The following CRYZ variants were observed in gnomAD, a reference collection of about 807,000 sequenced individuals.
The protein encoded by CRYZ is crystallin zeta.
Under a neutral mutation model 34.1 loss-of-function variants are expected in CRYZ, and 35 were observed. That is an observed-to-expected ratio of 1.03 (90% CI 0.78 to 1.36). CRYZ has a LOEUF of 1.36. CRYZ is among the 40% of genes most tolerant of loss of function. The pLI is 0.00. For synonymous variants in CRYZ, 137 were observed against 136.5 expected (o/e 1.00, Z -0.03); for missense variants, 403 against 391.8 (o/e 1.03, Z -0.24).
At chr1:74,714,717 C>T (rs74095154) in intron 4 of CRYZ, 87 bp from the exon 5 acceptor site, 105,378 of 1,357,400 alleles carry the variant, frequency 0.078, 4,378 homozygotes, top group South Asian at 0.11. Flanking sequence ...AATTTCTACC[C>T]CTAGTCTGGC....
chr1:74,728,903 A>G (rs1319145498), intron 1 of CRYZ, among the ~76,000 whole-genome samples: 4 of 152,140 alleles, frequency 2.6e-5, no homozygotes, highest in Non-Finnish European at 5.9e-5. Flanking sequence ...GCACTTTAGA[A>G]CAGCTTGGCA....
intron 5 of CRYZ, among the ~76,000 whole-genome samples, chr1:74,712,299 T>A (rs1371682409): frequency 6.6e-6 from 1 of 152,154 alleles, no homozygotes; most frequent in East Asian, 1.9e-4. Context: ...CTATCCCATG[T>A]ATTGAAGGAT....
chr1:74,720,326 A>G (rs908365843), intron 3 of CRYZ, among the ~76,000 whole-genome samples: 3 of 152,154 alleles, frequency 2.0e-5, no homozygotes, highest in African/African-American at 4.8e-5. Context: ...GACCCAGGAC[A>G]GCCTTCTTCT....
At position 74,714,596 on chromosome 1, in the gene CRYZ, G is replaced by A; in HGVS notation, c.463C>T (p.His155Tyr). Residue 155 changes from histidine to tyrosine, a missense_variant, in exon 5 of 9, where the codon CAT becomes TAT. Coordinates refer to ENST00000340866, the MANE Select transcript of CRYZ (RefSeq NM_001889.4). Reference protein sequence around the residue: ...CVKAGESVLVHGASGGVGLAA... With the variant: ...CVKAGESVLVYGASGGVGLAA... ...ATACTTACTCCTCCACTTGCCCCAT[G>A]AACCAGAACACTCTCTCCAGCTTTC... The A allele has an allele frequency of 1.2e-6, 2 of 1,613,640 alleles. No individual in the cohort carries two copies. The highest frequency in any genetic ancestry group is 1.3e-5 in the African/African-American group (1 of 74,970).
intron 2 of CRYZ, among the ~76,000 whole-genome samples, chr1:74,723,938 T>C (rs1647216759): frequency 6.6e-6 from 1 of 152,194 alleles, no homozygotes; most frequent in African/African-American, 2.4e-5. Context: ...AATGATTACC[T>C]CTGGTATAAA....
At chr1:74,722,474 G>A (rs1483158889) in intron 3 of CRYZ, among the ~76,000 whole-genome samples, 1 of 152,016 alleles carries the variant, frequency 6.6e-6, no homozygotes, top group Non-Finnish European at 1.5e-5. Flanking sequence ...CCTGTACAGG[G>A]GCACAGTAAT....
chr1:74,712,487 T>C (rs183496798), intron 5 of CRYZ, among the ~76,000 whole-genome samples: 225 of 152,178 alleles, frequency 1.5e-3, no homozygotes, highest in Non-Finnish European at 1.8e-3. Flanking sequence ...TGAAAAATAA[T>C]GATAGAAACA....
rs1647119293 is a variant in CRYZ at position 74,719,206 on chromosome 1, T to C, written c.428+3A>G. 2 of 1,613,258 alleles carry C rather than the reference T, an allele frequency of 1.2e-6. No individual in the cohort carries two copies. The highest frequency in any genetic ancestry group is 1.7e-6 in the Non-Finnish European group (2 of 1,179,288). On this transcript the variant is annotated splice_donor_region_variant and intron_variant, in intron 4 of 8. Transcript: ENST00000340866. Reference sequence around the variant, plus strand: ...CCATAAAATTGACAGAATGTGTTATTACCTGTGGATCAGAGCTCGATAAGC... The same window carrying C: ...CCATAAAATTGACAGAATGTGTTATCACCTGTGGATCAGAGCTCGATAAGC...
intron 4 of CRYZ, among the ~76,000 whole-genome samples, chr1:74,717,640 T>C (rs1016125774): frequency 1.3e-5 from 2 of 152,212 alleles, no homozygotes; most frequent in African/African-American, 4.8e-5. Context: ...TCATTATCTA[T>C]GTTTCTCAAA....
At chr1:74,708,274 A>G (rs1646956752) in intron 6 of CRYZ, 1 of 152,266 alleles carries the variant, frequency 6.6e-6, no homozygotes, top group Non-Finnish European at 1.5e-5. Flanking sequence ...GCCATATTAA[A>G]GGATTTGGAT....
At chr1:74,721,099 G>A (rs1015212288) in intron 3 of CRYZ, among the ~76,000 whole-genome samples, 5 of 152,110 alleles carry the variant, frequency 3.3e-5, no homozygotes, top group Admixed American at 2.6e-4. Context: ...TTGGCCAAAC[G>A]ATAGGGACAG....
Position 74,732,966 on chromosome 1 carries a change from A to G in CRYZ, c.-24T>C, listed in dbSNP as rs1647931127. On this transcript the variant is annotated 5_prime_UTR_variant, in exon 1 of 9. Coordinates refer to ENST00000340866, the MANE Select transcript of CRYZ (RefSeq NM_001889.4). ...TTTAAAACCACTTACCAGAATCTAGAGTGGGAATTAAAATCTGCGTGGGCT... is the reference window on the plus strand; with the variant it reads ...TTTAAAACCACTTACCAGAATCTAGGGTGGGAATTAAAATCTGCGTGGGCT... The G allele has an allele frequency of 2.2e-6, 1 of 460,040 alleles. No individual in the cohort carries two copies. The highest frequency in any genetic ancestry group is 3.9e-6 in the Non-Finnish European group (1 of 259,010). 28.5% of individuals were successfully genotyped at this position (460,040 alleles called of 1,614,324 possible).
Position 74,714,595 on chromosome 1 carries a change from T to A in CRYZ, c.464A>T (p.His155Leu). The stretch of plus-strand genomic sequence containing the variant: ...AATACTTACTCCTCCACTTGCCCCA[T>A]GAACCAGAACACTCTCTCCAGCTTT... ...CVKAGESVLV[H>L]GASGGVGLAA... Residue 155 changes from histidine (H) to leucine (L), a missense_variant, in exon 5 of 9, where the codon CAT becomes CTT. Physicochemically the swap from His to Leu is moderately conservative, Grantham distance 99. Coordinates refer to ENST00000340866, the MANE Select transcript of CRYZ (RefSeq NM_001889.4). The A allele has an allele frequency of 6.2e-7, 1 of 1,613,778 alleles. No individual in the cohort carries two copies. The highest frequency in any genetic ancestry group is 8.5e-7 in the Non-Finnish European group (1 of 1,179,762).
intron 4 of CRYZ, among the ~76,000 whole-genome samples, chr1:74,718,937 T>C (rs1037407096): frequency 6.6e-6 from 1 of 152,168 alleles, no homozygotes; most frequent in African/African-American, 2.4e-5. Context: ...TCTCTACCAC[T>C]GTACTTTCCA....
At chr1:74,711,432 CA>C (rs1383645045) in intron 5 of CRYZ, among the ~76,000 whole-genome samples, 1 of 152,128 alleles carries the variant, frequency 6.6e-6, no homozygotes, top group Non-Finnish European at 1.5e-5. Flanking sequence ...AAAAAATAAA[CA>C]AATTCAGATA....
intron 1 of CRYZ, among the ~76,000 whole-genome samples, chr1:74,728,855 A>G (rs888220304): frequency 6.6e-6 from 1 of 152,218 alleles, no homozygotes; most frequent in African/African-American, 2.4e-5. Context: ...GTCCTCGGGG[A>G]AAAACAGAGG....
Position 74,706,306 on chromosome 1 carries a change from A to G in CRYZ, c.980T>C (p.Leu327Pro). Residue 327 changes from leucine (L) to proline (P), a missense_variant, in exon 9 of 9, where the codon CTT becomes CCT. Transcript: ENST00000340866. Reference sequence around the variant, plus strand: ...TGAAAGAATTAATCATCATAAGAGAAGAATCATTTTTCCAGTAGCCCCACT... The same window carrying G: ...TGAAAGAATTAATCATCATAAGAGAGGAATCATTTTTCCAGTAGCCCCACT... The part of the protein sequence containing the change: ...HGSGATGKMI[L>P]LL The G allele has an allele frequency of 6.2e-7, 1 of 1,603,856 alleles. No individual in the cohort carries two copies. Among genetic ancestry groups the G allele is most frequent in the South Asian group, 1.1e-5 (1 of 88,670 alleles).
Position 74,710,227 on chromosome 1 carries a change from T to A in CRYZ, c.501A>T (p.Gln167His), listed in dbSNP as rs1480650752. The A allele has an allele frequency of 1.9e-6, 3 of 1,613,782 alleles. No homozygotes were observed. Among genetic ancestry groups the A allele is most frequent in the Non-Finnish European group, 2.5e-6 (3 of 1,179,822 alleles). The change falls in exon 6 of 9, where the codon CAA (glutamine) becomes CAT (histidine). Residue 167 changes from glutamine (Q) to histidine (H), a missense_variant. Gln to His is a conservative substitution (Grantham distance 24, BLOSUM62 0). Coordinates refer to ENST00000340866, the MANE Select transcript of CRYZ (RefSeq NM_001889.4). ...TCTTTAAGCCATAAGCTCTAGCAAT[T>A]TGGCATGCTGCTAATCCAACCTGAA... Reference protein sequence around the residue: ...ASGGVGLAACQIARAYGLKIL... With the variant: ...ASGGVGLAACHIARAYGLKIL...
At chr1:74,716,024 A>G (rs1647068027) in intron 4 of CRYZ, among the ~76,000 whole-genome samples, 1 of 151,778 alleles carries the variant, frequency 6.6e-6, no homozygotes, top group Non-Finnish European at 1.5e-5. Context: ...TTTTGTTTTC[A>G]AAGACTGACC....
Sources: gnomAD v4.1 joint callset for allele counts (sites outside exome capture counted in the v4.1 genomes callset) on GRCh38, gnomAD v4.1.1 for gene constraint, MANE v1.5 for transcripts, NCBI Gene and HGNC (gene_info 2026-07-23, HGNC 2026-07-21) for gene names.